The following SEC16A variants were observed in gnomAD, a reference collection of about 807,000 sequenced individuals.
SEC16A encodes the protein protein transport protein Sec16A.
A neutral mutation model predicts 221.9 loss-of-function variants in SEC16A; 110 were observed. The ratio of observed to expected loss-of-function variants is 0.50; its 90% CI spans 0.42 to 0.58. The LOEUF (loss-of-function observed/expected upper bound fraction) is 0.58, where lower values mean the gene tolerates loss of function less well. Ranked by LOEUF, SEC16A falls within the 20% of genes least tolerant of loss-of-function variation. SEC16A has a pLI of 0.00. For synonymous variants in SEC16A, 1,393 were observed against 1,257.7 expected (o/e 1.11, Z -2.28); for missense variants, 3,165 against 3,097.8 (o/e 1.02, Z -0.52).
upstream of SEC16A, chr9:136,484,172 C>G (rs1842736849): frequency 4.9e-6 from 1 of 206,028 alleles, no homozygotes; most frequent in Non-Finnish European, 8.9e-6. Context: ...GTGCGGCCTA[C>G]TCGGTTCGTT....
intron 23 of SEC16A, among the ~76,000 whole-genome samples, chr9:136,450,425 T>C (rs1246423985): frequency 1.3e-5 from 2 of 151,770 alleles, no homozygotes; most frequent in South Asian, 2.1e-4. Context: ...GAGGATCACT[T>C]GGGCCCAGGA....
chr9:136,460,084 T>G lies in SEC16A; in HGVS notation c.5031A>C (p.Thr1677=). 1 of 1,608,064 alleles carries G rather than the reference T, an allele frequency of 6.2e-7. No individual in the cohort carries two copies. Among genetic ancestry groups the G allele is most frequent in the Non-Finnish European group, 8.5e-7 (1 of 1,177,260 alleles). ...NSLPINDPLQ[T]VYQLMSGRMP... is the part of the protein sequence containing the mutation. ...TCCGTCCGGACATGAGCTGGTAGAC[T>G]GTCTGCAGAGGGTCGTTGATTGGGA... Residue 1677 remains threonine (T), a synonymous_variant, in exon 14 of 32, where the codon ACA becomes ACC. Coordinates refer to ENST00000684901, the MANE Select transcript of SEC16A (RefSeq NM_014866.2).
chr9:136,443,774 C>T lies in SEC16A; in HGVS notation c.7005+49G>A, dbSNP rs762545066. ...CCATCACTGAGCAGCAGGGTCAGGT[C>T]GTCAGTGGGCGTGTTAGGGTCTCGT... On this transcript the variant is annotated intron_variant, in intron 31 of 31. Coordinates refer to ENST00000684901, the MANE Select transcript of SEC16A (RefSeq NM_014866.2). 15 of 1,396,656 alleles carry T rather than the reference C, an allele frequency of 1.1e-5. No homozygotes were observed. In the Admixed American group the frequency reaches 1.6e-4, roughly 15 times the overall value. 86.5% of individuals were successfully genotyped at this position (1,396,656 alleles called of 1,614,324 possible).
At position 136,459,690 on chromosome 9, in the gene SEC16A, C is replaced by A. The variant is rs1241280784; in HGVS notation, c.5191+67G>T. On this transcript the variant is annotated intron_variant, in intron 15 of 31. Coordinates refer to ENST00000684901, the MANE Select transcript of SEC16A (RefSeq NM_014866.2). The surrounding 1 kb of genome is among the most constrained non-coding windows in gnomAD (Gnocchi z 6.1). ...CGGGTTCTGGTGATTTCTGCCAACGCCACAGACAACCGGGCCTTCGGCGCT... is the reference window on the plus strand; with the variant it reads ...CGGGTTCTGGTGATTTCTGCCAACGACACAGACAACCGGGCCTTCGGCGCT... The A allele has an allele frequency of 5.6e-6, 8 of 1,431,760 alleles. No individual in the cohort carries two copies. Among genetic ancestry groups the A allele is most frequent in the Non-Finnish European group, 7.7e-6 (8 of 1,040,842 alleles). 88.7% of individuals were successfully genotyped at this position (1,431,760 alleles called of 1,614,324 possible). A position where few individuals can be genotyped will look rare whatever the true frequency, so the allele number is the denominator to read the frequency against.
At chr9:136,457,331 G>A (rs1341965900) in intron 18 of SEC16A, 113 bp downstream of exon 18, 4 of 1,204,384 alleles carry the variant, frequency 3.3e-6, no homozygotes, top group Non-Finnish European at 4.5e-6. Context: ...GGTTCTGAGC[G>A]CCTACCACAA....
At chr9:136,478,011 G>A (rs1028156825) in intron 2 of SEC16A, among the ~76,000 whole-genome samples, 1 of 152,140 alleles carries the variant, frequency 6.6e-6, no homozygotes, top group African/African-American at 2.4e-5. Flanking sequence ...GGGACAGTGC[G>A]GAACCTGACC....
In SEC16A at chr9:136,455,642, C is replaced by A; in HGVS notation, c.5816G>T (p.Ser1939Ile). 1.3e-6 allele frequency: 2 copies of A among 1,588,552 alleles called. No homozygotes were observed. The highest frequency in any genetic ancestry group is 8.6e-7 in the Non-Finnish European group (1 of 1,168,840). Reference protein sequence around the residue: ...ANPLLAVPAPSPEHSSPSVRL... With the variant: ...ANPLLAVPAPIPEHSSPSVRL... ...CACGCTCGGGCTCGAGTGCTCAGGG[C>A]TCGGTGCAGGCACCGCCAGCAGAGG... The change falls in exon 20 of 32, where the codon AGC (serine) becomes ATC (isoleucine). Residue 1939 changes from serine (S) to isoleucine (I), a missense_variant. Transcript: ENST00000684901.
chr9:136,452,752 C>T (rs1258865255), intron 22 of SEC16A, among the ~76,000 whole-genome samples: 10 of 118,186 alleles, frequency 8.5e-5, no homozygotes, highest in Non-Finnish European at 1.6e-4. Context: ...GGCGACAGAG[C>T]GAAACTATGT....
At chr9:136,484,136 C>T, upstream of SEC16A, 1 of 174,954 alleles carries the variant, frequency 5.7e-6, no homozygotes, top group South Asian at 1.5e-4. Context: ...CCACCCTGGC[C>T]CCAGCCCTGC....
At chr9:136,478,402 CAAAAAAAAAA>C (rs34093106) in intron 2 of SEC16A, among the ~76,000 whole-genome samples, 34 of 95,272 alleles carry the variant, frequency 3.6e-4, no homozygotes, top group Non-Finnish European at 6.3e-4. Context: ...GTCCCTAGCT[CAAAAAAAAAA>C]AAAAAAAAGG....
In SEC16A at chr9:136,447,947, G is replaced by A. The variant is rs777112062; in HGVS notation, c.6391-38C>T. 6.4e-6 allele frequency: 10 copies of A among 1,574,470 alleles called. No individual in the cohort carries two copies. In the South Asian group the frequency reaches 9.1e-5, roughly 14 times the overall value. On this transcript the variant is annotated intron_variant, in intron 24 of 31. Coordinates refer to ENST00000684901, the MANE Select transcript of SEC16A (RefSeq NM_014866.2). This position sits in a 1 kb window ranked among gnomAD's most constrained non-coding sequence, Gnocchi z 5.5. ...TAAAAAGAAAAAAGGTCAGCAGACT[G>A]AACCTAAACAGAATTAGCATCTGAT...
chr9:136,479,335 A>T (rs890328273), intron 1 of SEC16A, among the ~76,000 whole-genome samples: 2 of 152,210 alleles, frequency 1.3e-5, no homozygotes, highest in Non-Finnish European at 2.9e-5. Flanking sequence ...ACCAAAGGGG[A>T]GGACTCTGTA....
intron 2 of SEC16A, among the ~76,000 whole-genome samples, chr9:136,478,269 G>A (rs1207900902): frequency 6.6e-6 from 1 of 152,090 alleles, no homozygotes; most frequent in Non-Finnish European, 1.5e-5. Flanking sequence ...CAGGCATGGT[G>A]GTGCACACCT....
upstream of SEC16A, chr9:136,484,295 A>T: frequency 2.0e-6 from 2 of 1,010,960 alleles, no homozygotes; most frequent in Non-Finnish European, 2.4e-6. Flanking sequence ...CGGAGGGGTG[A>T]GGCGGGTAGG....
intron 13 of SEC16A, among the ~76,000 whole-genome samples, chr9:136,460,600 A>T (rs1353406091): frequency 3.4e-5 from 3 of 88,504 alleles, no homozygotes; most frequent in Non-Finnish European, 5.9e-5. Context: ...TCTCAATATT[A>T]AAAAAAAAAA....
rs45464197 is a variant in SEC16A, at chr9:136,456,064, G to A, written c.5653C>T (p.Arg1885Trp). The change falls in exon 19 of 32, where the codon CGG becomes TGG. Residue 1885 changes from arginine (R) to tryptophan (W), a missense_variant. Coordinates refer to ENST00000684901, the MANE Select transcript of SEC16A (RefSeq NM_014866.2). ...TWLVHLQQVERQIKEGAGVWH... is the reference protein window; with the variant it reads ...TWLVHLQQVEWQIKEGAGVWH... ...AGCCAAGGCTGTACCTTAATCTGCC[G>A]CTCCACCTGCTGCAGGTGAACCAGC... is the stretch of plus-strand genomic sequence containing the variant. The A allele has an allele frequency of 2.4e-3, 3,807 of 1,611,970 alleles. 9 individuals are homozygous for A. Among genetic ancestry groups the A allele is most frequent in the Non-Finnish European group, 2.9e-3 (3,468 of 1,178,708 alleles).
chr9:136,450,322 A>C (rs1464937723), intron 23 of SEC16A, among the ~76,000 whole-genome samples: 1 of 152,180 alleles, frequency 6.6e-6, no homozygotes, highest in Non-Finnish European at 1.5e-5. Context: ...ATAATACAGA[A>C]AGGACTCCTG....
At chr9:136,455,567 T>C (rs749999096) in intron 20 of SEC16A, 34 bp downstream of exon 20, 6 of 1,515,222 alleles carry the variant, frequency 4.0e-6, no homozygotes, top group East Asian at 4.9e-5. Context: ...AGCAGGGGCT[T>C]GTCTGAGGGC....
At chr9:136,450,473 T>C (rs1837632560) in intron 23 of SEC16A, among the ~76,000 whole-genome samples, 1 of 148,818 alleles carries the variant, frequency 6.7e-6, no homozygotes, top group Non-Finnish European at 1.5e-5. Context: ...GACCCCATCT[T>C]TATGGGGGAA....
Sources: allele counts gnomAD v4.1 joint callset (sites outside exome capture counted in the v4.1 genomes callset), GRCh38; gene constraint gnomAD v4.1.1; non-coding constraint Gnocchi (gnomAD v3.1); transcripts MANE v1.5; gene names NCBI Gene and HGNC (gene_info 2026-07-23, HGNC 2026-07-21).